Variants in ZMYND11 observed in about 807,000 individuals in gnomAD.
ZMYND11 encodes zinc finger MYND domain-containing protein 11.
A neutral mutation model predicts 84.9 loss-of-function variants in ZMYND11; 9 were observed. That is an observed-to-expected ratio of 0.11 (90% confidence interval 0.06 to 0.18). The LOEUF (loss-of-function observed/expected upper bound fraction) is 0.18. Among genes scored for constraint, ZMYND11 ranks in the 10% least tolerant of loss-of-function variants. The pLI is 1.00. For synonymous variants in ZMYND11, 250 were observed against 244.1 expected (o/e 1.02, Z -0.23); for missense variants, 409 against 761.0 (o/e 0.54, Z 5.44).
intron 1 of ZMYND11, among the ~76,000 whole-genome samples, chr10:155,112 C>T (rs1056198239): frequency 2.6e-5 from 4 of 152,008 alleles, no homozygotes; most frequent in African/African-American, 9.7e-5. Flanking sequence ...TATTTATTTT[C>T]AGAAAGCATC....
At chr10:243,340 T>C (rs1951433191) in intron 10 of ZMYND11, among the ~76,000 whole-genome samples, 1 of 152,194 alleles carries the variant, frequency 6.6e-6, no homozygotes, top group South Asian at 2.1e-4. Context: ...TGCTTCAATG[T>C]TTTTCACATT....
chr10:198,585 T>C (rs1446860912), intron 2 of ZMYND11, among the ~76,000 whole-genome samples: 1 of 152,188 alleles, frequency 6.6e-6, no homozygotes, highest in Admixed American at 6.5e-5. Flanking sequence ...CATATTTTAG[T>C]GTTATGAAAA....
chr10:130,434 C>T (rs1835289696), upstream of ZMYND11, among the ~76,000 whole-genome samples: 1 of 152,156 alleles, frequency 6.6e-6, no homozygotes, highest in South Asian at 2.1e-4. Flanking sequence ...AGGCATTTCA[C>T]AATATTTGGC....
At chr10:158,991 G>GTTTTTT (rs71374342) in intron 1 of ZMYND11, among the ~76,000 whole-genome samples, 15 of 58,598 alleles carry the variant, frequency 2.6e-4, no homozygotes, top group Non-Finnish European at 4.9e-4. Context: ...TTTGTTTTTT[G>GTTTTTT]TTTTTTTTTT....
chr10:241,746 G>A (rs1187306405), intron 9 of ZMYND11, among the ~76,000 whole-genome samples: 1 of 152,156 alleles, frequency 6.6e-6, no homozygotes. Flanking sequence ...CTCCCCAGCT[G>A]CACTTGGCCA....
At chr10:211,522 AAACT>A (rs1945226567) in intron 3 of ZMYND11, among the ~76,000 whole-genome samples, 1 of 152,212 alleles carries the variant, frequency 6.6e-6, no homozygotes, top group Admixed American at 6.5e-5. Context: ...TGAGAGCAGT[AAACT>A]AACTAGCAAG....
At chr10:182,691 A>G (rs991851909) in intron 2 of ZMYND11, among the ~76,000 whole-genome samples, 5 of 152,226 alleles carry the variant, frequency 3.3e-5, no homozygotes, top group African/African-American at 1.2e-4. Flanking sequence ...GACAGCTCCA[A>G]GAAAGAACTG....
At chr10:214,416 G>C (rs1318843283) in intron 3 of ZMYND11, among the ~76,000 whole-genome samples, 3 of 152,002 alleles carry the variant, frequency 2.0e-5, no homozygotes, top group Non-Finnish European at 4.4e-5. Context: ...GTCTAGCCTG[G>C]GCAGCGTAGC....
At chr10:162,856 G>C (rs530057103) in intron 1 of ZMYND11, among the ~76,000 whole-genome samples, 2 of 152,162 alleles carry the variant, frequency 1.3e-5, no homozygotes, top group South Asian at 2.1e-4. Context: ...TTATTCCCTG[G>C]AGCCCCTTTC....
In ZMYND11 at chr10:237,601, A is replaced by C; in HGVS notation, c.533A>C (p.Lys178Thr). 6.2e-7 allele frequency: 1 copy of C among 1,612,840 alleles called. No individual in the cohort carries two copies. The highest frequency in any genetic ancestry group is 8.5e-7 in the Non-Finnish European group (1 of 1,179,468). ...RMKERAIDLNKKGKDNKHPMY... is the reference protein window; with the variant it reads ...RMKERAIDLNTKGKDNKHPMY... The stretch of plus-strand genomic sequence containing the variant: ...CCCTCTTAGGCTATAGATCTTAATA[A>C]AAAGGGGAAGGACAATAAACACCCG... Residue 178 changes from lysine (K) to threonine (T), a missense_variant, in exon 6 of 15, where the codon AAA becomes ACA. By Grantham distance (78) the Lys-to-Thr change is moderately conservative. Around this residue, in one of 7 missense-constraint regions of ZMYND11, gnomAD observed 53 missense variants for 71.1 expected, o/e 0.75. Coordinates refer to ENST00000381604, the MANE Select transcript of ZMYND11 (RefSeq NM_001370100.5).
chr10:137,297 GCCCATTCAGGAC>G (rs1250763462), intron 1 of ZMYND11, among the ~76,000 whole-genome samples: 5 of 152,088 alleles, frequency 3.3e-5, no homozygotes, highest in African/African-American at 1.2e-4. Flanking sequence ...TACCCAGGTG[GCCCATTCAGGAC>G]CCTGCTGGTA....
intron 1 of ZMYND11, among the ~76,000 whole-genome samples, chr10:165,209 T>C (rs1403783391): frequency 2.0e-5 from 3 of 152,134 alleles, no homozygotes; most frequent in Admixed American, 2.0e-4. Flanking sequence ...AACATATTGC[T>C]AAATCTAGTG....
At chr10:201,585 T>TACACACACACACACACACACAC (rs56058145) in intron 2 of ZMYND11, among the ~76,000 whole-genome samples, 20,636 of 145,790 alleles carry the variant, frequency 0.14, 1,671 homozygotes, top group East Asian at 0.23. Flanking sequence ...TACCATGAAA[T>TACACACACACACACACACACAC]ACACACACAC....
At chr10:160,750 A>C (rs570919823) in intron 1 of ZMYND11, among the ~76,000 whole-genome samples, 1 of 152,316 alleles carries the variant, frequency 6.6e-6, no homozygotes, top group African/African-American at 2.4e-5. Context: ...CATAAGAAGC[A>C]GCTCCTCATT....
At chr10:235,692 A>T (rs550129606) in intron 4 of ZMYND11, among the ~76,000 whole-genome samples, 48 of 152,222 alleles carry the variant, frequency 3.2e-4, no homozygotes, top group Non-Finnish European at 6.3e-4. Flanking sequence ...TAAACGGAGC[A>T]GCTGTGGGCA....
chr10:174,802 T>C (rs113284444), intron 1 of ZMYND11, among the ~76,000 whole-genome samples: 188 of 76,430 alleles, frequency 2.5e-3, no homozygotes, highest in African/African-American at 2.8e-3. Flanking sequence ...TGGTCAAAAC[T>C]CACGGGCACT....
intron 4 of ZMYND11, among the ~76,000 whole-genome samples, chr10:222,654 T>C (rs894523848): frequency 2.6e-5 from 4 of 152,060 alleles, no homozygotes; most frequent in African/African-American, 4.8e-5. Flanking sequence ...AATATACATC[T>C]TCCATTTTCT....
intron 2 of ZMYND11, among the ~76,000 whole-genome samples, chr10:205,162 A>T (rs936630614): frequency 3.9e-5 from 6 of 152,068 alleles, no homozygotes; most frequent in African/African-American, 1.4e-4. Flanking sequence ...TTTCTTTGGA[A>T]ATTGGCCTTT....
intron 1 of ZMYND11, among the ~76,000 whole-genome samples, chr10:159,293 G>T (rs1487307308): frequency 1.3e-5 from 2 of 151,972 alleles, no homozygotes; most frequent in African/African-American, 4.8e-5. Flanking sequence ...AAATGTATAT[G>T]TAATTTTGGT....
Sources: gnomAD v4.1 joint callset for allele counts (sites outside exome capture counted in the v4.1 genomes callset) on GRCh38, gnomAD v4.1.1 for gene constraint, gnomAD v4.1.1 regional missense constraint, MANE v1.5 for transcripts, NCBI Gene and HGNC (gene_info 2026-07-23, HGNC 2026-07-21) for gene names.